Variants in NLGN4X observed in about 807,000 individuals in gnomAD.
NLGN4X encodes neuroligin-4, X-linked.
Under a neutral mutation model 40.3 loss-of-function variants are expected in NLGN4X, and 3 were observed. The ratio of observed to expected loss-of-function variants is 0.07; its 90% CI spans 0.03 to 0.19. The LOEUF (loss-of-function observed/expected upper bound fraction) is 0.19, where lower values mean the gene tolerates loss of function less well. Among genes scored for constraint, NLGN4X ranks in the 10% least tolerant of loss-of-function variants. NLGN4X has a pLI of 1.00. For synonymous variants in NLGN4X, 270 were observed against 306.8 expected (o/e 0.88, Z 1.25); for missense variants, 382 against 708.3 (o/e 0.54, Z 5.23).
intron 1 of NLGN4X, among the ~76,000 whole-genome samples, chrX:6,176,039 G>A (rs997009820): frequency 9.0e-6 from 1 of 111,360 alleles, no homozygotes; most frequent in African/African-American, 3.3e-5. Flanking sequence ...ATGACACAGC[G>A]AGCGGGGTCA....
intron 1 of NLGN4X, 62 bp downstream of exon 1, chrX:6,228,479 G>A (rs1212944602): frequency 1.8e-5 from 2 of 112,227 alleles, no homozygotes; most frequent in Non-Finnish European, 3.8e-5. Flanking sequence ...AAGTCAAAAT[G>A]TTTAAACGGC....
Position 6,210,500 on chromosome X carries a change from T to A in NLGN4X, c.-306+18041A>T, listed in dbSNP as rs759288147. 5.4e-5 allele frequency among the ~76,000 whole-genome samples: 6 copies of A among 111,230 alleles called. No individual in the cohort carries two copies. In the South Asian group the frequency reaches 2.3e-3, roughly 42 times the overall value. ...AAAATAAAACCTTGTTAAAAATAGA[T>A]AAAACTGAGATATACTGAGTCCAAA... On this transcript the variant is annotated intron_variant, in intron 1 of 5. Coordinates refer to ENST00000381095, the MANE Select transcript of NLGN4X (RefSeq NM_181332.3).
chrX:6,050,127 G>C (rs1265474541), intron 2 of NLGN4X, among the ~76,000 whole-genome samples: 1 of 111,864 alleles, frequency 8.9e-6, no homozygotes, highest in East Asian at 2.8e-4. Flanking sequence ...TAAAATGATA[G>C]CACTGAGGAT....
At chrX:6,157,667 A>C (rs2040299212) in intron 1 of NLGN4X, among the ~76,000 whole-genome samples, 1 of 111,335 alleles carries the variant, frequency 9.0e-6, no homozygotes, top group Non-Finnish European at 1.9e-5. Flanking sequence ...TATTTTCCTT[A>C]TAACTTTGGA....
chrX:6,120,542 G>A (rs1053532616), intron 2 of NLGN4X, among the ~76,000 whole-genome samples: 10 of 111,618 alleles, frequency 9.0e-5, no homozygotes, highest in African/African-American at 2.6e-4. Flanking sequence ...CAACAGCCCC[G>A]TTGAGGTAGG....
intron 3 of NLGN4X, among the ~76,000 whole-genome samples, chrX:5,967,055 T>C (rs1053274761): frequency 2.7e-5 from 3 of 111,668 alleles, no homozygotes; most frequent in Admixed American, 9.5e-5. Context: ...TAAAGATCCT[T>C]ATCAGGCTGG....
chrX:6,128,559 GGAATA>G (rs1482094987), intron 2 of NLGN4X, among the ~76,000 whole-genome samples: 1 of 111,586 alleles, frequency 9.0e-6, no homozygotes. Context: ...ACTTAATGGA[GGAATA>G]GAAAACAAAA....
chrX:6,112,735 C>T, intron 2 of NLGN4X, among the ~76,000 whole-genome samples: 1 of 109,602 alleles, frequency 9.1e-6, no homozygotes, highest in Middle Eastern at 4.7e-3. Context: ...AGGTGTGAGC[C>T]ACCACACCCG....
intron 3 of NLGN4X, among the ~76,000 whole-genome samples, chrX:5,981,942 A>G (rs988555782): frequency 7.2e-5 from 8 of 111,761 alleles, no homozygotes; most frequent in African/African-American, 2.6e-4. Flanking sequence ...ATGACCTTAC[A>G]TAACCTCATG....
At chrX:5,980,101 T>C (rs2035338712) in intron 3 of NLGN4X, among the ~76,000 whole-genome samples, 1 of 107,059 alleles carries the variant, frequency 9.3e-6, no homozygotes, top group Admixed American at 1.0e-4. Flanking sequence ...TGATATATTT[T>C]ATATATAGTA....
chrX:5,953,008 A>T (rs762105899), intron 3 of NLGN4X, among the ~76,000 whole-genome samples: 8 of 111,472 alleles, frequency 7.2e-5, no homozygotes, highest in African/African-American at 2.3e-4. Context: ...GGTGATATTT[A>T]GAGAGATCTT....
chrX:5,906,936 C>T (rs924359220), intron 4 of NLGN4X, among the ~76,000 whole-genome samples: 2 of 110,920 alleles, frequency 1.8e-5, no homozygotes, highest in African/African-American at 3.3e-5. Flanking sequence ...AAAAATTAGC[C>T]GGGCACAGTG....
chrX:6,161,397 A>G (rs760135917), intron 1 of NLGN4X, among the ~76,000 whole-genome samples: 9 of 40,758 alleles, frequency 2.2e-4, no homozygotes, highest in African/African-American at 7.1e-4. Flanking sequence ...GATATAAAAT[A>G]TATTATTCTA....
At chrX:6,003,393 G>C in intron 3 of NLGN4X, among the ~76,000 whole-genome samples, 1 of 112,494 alleles carries the variant, frequency 8.9e-6, no homozygotes, top group Non-Finnish European at 1.9e-5. Context: ...TCACTATGGT[G>C]CCCAAGCAGC....
chrX:5,972,560 CAAAT>C (rs1218824511), intron 3 of NLGN4X, among the ~76,000 whole-genome samples: 1 of 111,442 alleles, frequency 9.0e-6, no homozygotes, highest in African/African-American at 3.3e-5. Flanking sequence ...TTTTACTAAA[CAAAT>C]GAATGAAGCA....
intron 2 of NLGN4X, among the ~76,000 whole-genome samples, chrX:6,067,105 T>TAC (rs746400876): frequency 9.8e-6 from 1 of 102,452 alleles, no homozygotes; most frequent in Admixed American, 1.1e-4. Context: ...TGAGATACAG[T>TAC]CCCCCCCCCA....
chrX:6,068,580 A>G (rs2147354198), intron 2 of NLGN4X, among the ~76,000 whole-genome samples: 1 of 112,200 alleles, frequency 8.9e-6, no homozygotes, highest in South Asian at 3.7e-4. Context: ...AACAGAAAAT[A>G]AAACTAAAAA....
intron 3 of NLGN4X, among the ~76,000 whole-genome samples, chrX:5,926,934 T>TCCTATCTA: frequency 1.0e-5 from 1 of 96,886 alleles, no homozygotes; most frequent in Non-Finnish European, 2.1e-5. Context: ...TCTCTATATC[T>TCCTATCTA]TCTATCTATC....
intron 3 of NLGN4X, chrX:5,991,362 CCTGT>C (rs1425941054): frequency 6.2e-6 from 3 of 480,125 alleles, no homozygotes; most frequent in Admixed American, 2.8e-5. Context: ...CAGAAACCTC[CCTGT>C]CTAAGCCCAG....
Sources: allele counts gnomAD v4.1 joint callset (sites outside exome capture counted in the v4.1 genomes callset), GRCh38; gene constraint gnomAD v4.1.1; transcripts MANE v1.5; gene names NCBI Gene and HGNC (gene_info 2026-07-23, HGNC 2026-07-21).